Variants in GALNT13 observed in about 807,000 individuals in gnomAD.
GALNT13 encodes UDP-GalNAc:polypeptide N-acetylgalactosaminyltransferase 13.
Under a neutral mutation model 64.2 loss-of-function variants are expected in GALNT13, and 28 were observed. That is an observed-to-expected ratio of 0.44 (90% CI 0.32 to 0.60). GALNT13 has a LOEUF of 0.60. Among genes scored for constraint, GALNT13 ranks in the 20% least tolerant of loss-of-function variants. The pLI is 0.05. For synonymous variants in GALNT13, 214 were observed against 224.6 expected, an observed-to-expected ratio of 0.95 and a Z score of 0.42; for missense variants, 577 against 669.8, an observed-to-expected ratio of 0.86 and a Z score of 1.53.
the GALNT13 span, among the ~76,000 whole-genome samples, chr2:153,249,028 A>C: frequency 6.6e-6 from 1 of 152,156 alleles, no homozygotes; most frequent in South Asian, 2.1e-4. Context: ...AGTTCTAGCC[A>C]GGGCAATCAG....
intron 3 of GALNT13, among the ~76,000 whole-genome samples, chr2:154,043,149 T>C (rs905972472): frequency 6.6e-6 from 1 of 151,908 alleles, no homozygotes; most frequent in Non-Finnish European, 1.5e-5. Flanking sequence ...AAAACCAGTA[T>C]GGATTAACTG....
chr2:153,838,422 G>A, the GALNT13 span, among the ~76,000 whole-genome samples: 3 of 151,816 alleles, frequency 2.0e-5, no homozygotes, highest in South Asian at 2.1e-4. Context: ...AGTAGTTTTT[G>A]TATGTGGTGT....
intron 4 of GALNT13, among the ~76,000 whole-genome samples, chr2:154,201,583 T>C (rs538980617): frequency 1.1e-3 from 170 of 152,288 alleles, no homozygotes; most frequent in African/African-American, 4.0e-3. Context: ...TTTTGCAGTT[T>C]AAACATACAG....
the GALNT13 span, among the ~76,000 whole-genome samples, chr2:153,564,559 G>A: frequency 2.0e-5 from 3 of 150,834 alleles, no homozygotes; most frequent in Non-Finnish European, 4.4e-5. Context: ...ACCCTGTGGA[G>A]ATAAAATTCA....
the GALNT13 span, among the ~76,000 whole-genome samples, chr2:153,259,876 C>T: frequency 6.6e-6 from 1 of 151,928 alleles, no homozygotes; most frequent in Non-Finnish European, 1.5e-5. Flanking sequence ...TGGTCTTCTC[C>T]TTCTTCTTTC....
the GALNT13 span, among the ~76,000 whole-genome samples, chr2:153,476,193 G>T: frequency 1.2e-4 from 18 of 152,184 alleles, 1 homozygote; most frequent in Non-Finnish European, 8.8e-5. Flanking sequence ...GTTTACTTGA[G>T]AGCGAAATGG....
At chr2:153,109,523 G>A in the GALNT13 span, among the ~76,000 whole-genome samples, 1 of 152,156 alleles carries the variant, frequency 6.6e-6, no homozygotes, top group Non-Finnish European at 1.5e-5. Flanking sequence ...GTCTTCTGAA[G>A]TTCTACTAGT....
chr2:153,643,417 A>G, the GALNT13 span, among the ~76,000 whole-genome samples: 1 of 151,552 alleles, frequency 6.6e-6, no homozygotes, highest in Non-Finnish European at 1.5e-5. Context: ...TTTCTGAAAA[A>G]TATAATTTAA....
chr2:154,436,405 G>A (rs1341173042), intron 11 of GALNT13: 1 of 152,126 alleles, frequency 6.6e-6, no homozygotes, highest in Non-Finnish European at 1.5e-5. Context: ...AGACACTGGA[G>A]AAGAATACAC....
the GALNT13 span, among the ~76,000 whole-genome samples, chr2:153,220,838 A>G: frequency 6.6e-6 from 1 of 152,270 alleles, no homozygotes; most frequent in African/African-American, 2.4e-5. Flanking sequence ...CATAGTAGAT[A>G]TTAATCCAGC....
the GALNT13 span, among the ~76,000 whole-genome samples, chr2:153,857,851 G>C: frequency 6.6e-6 from 1 of 151,976 alleles, no homozygotes; most frequent in Non-Finnish European, 1.5e-5. Context: ...AGCCAAATGG[G>C]GAAAATAATC....
the GALNT13 span, among the ~76,000 whole-genome samples, chr2:153,631,497 G>A: frequency 2.6e-5 from 4 of 152,194 alleles, no homozygotes; most frequent in South Asian, 2.1e-4. Flanking sequence ...TTTAATGATC[G>A]CCGTTCTAAC....
the GALNT13 span, among the ~76,000 whole-genome samples, chr2:153,502,457 T>C: frequency 6.6e-6 from 1 of 152,242 alleles, no homozygotes; most frequent in Non-Finnish European, 1.5e-5. Flanking sequence ...TTCCATGATA[T>C]ATATACCACA....
chr2:154,183,463 G>C (rs538501755), intron 4 of GALNT13, among the ~76,000 whole-genome samples: 2 of 152,264 alleles, frequency 1.3e-5, no homozygotes, highest in Non-Finnish European at 2.9e-5. Context: ...TGTAATCCCA[G>C]CACTTTGGGA....
At chr2:153,772,264 G>A in the GALNT13 span, among the ~76,000 whole-genome samples, 1 of 152,198 alleles carries the variant, frequency 6.6e-6, no homozygotes, top group South Asian at 2.1e-4. Flanking sequence ...AATTGAAAAT[G>A]ATTTCCTCCT....
chr2:153,912,913 G>T (rs910635502), intron 2 of GALNT13, among the ~76,000 whole-genome samples: 2 of 152,220 alleles, frequency 1.3e-5, no homozygotes, highest in Admixed American at 1.3e-4. Context: ...GGCAGCAGCA[G>T]CATGGCCAAG....
the GALNT13 span, among the ~76,000 whole-genome samples, chr2:153,527,649 G>A: frequency 1.3e-5 from 2 of 152,100 alleles, no homozygotes; most frequent in Non-Finnish European, 2.9e-5. Context: ...TGTAACTGTG[G>A]TGTGTAAACT....
intron 4 of GALNT13, among the ~76,000 whole-genome samples, chr2:154,172,402 T>A (rs949982826): frequency 6.6e-6 from 1 of 151,996 alleles, no homozygotes; most frequent in Non-Finnish European, 1.5e-5. Context: ...CCTTCTATCA[T>A]ACTGCTTTTT....
chr2:153,650,187 C>T, the GALNT13 span, among the ~76,000 whole-genome samples: 1 of 152,108 alleles, frequency 6.6e-6, no homozygotes, highest in South Asian at 2.1e-4. Context: ...GTTAGCTCTT[C>T]TTGTTGAATT....
Sources: gnomAD v4.1 joint callset for allele counts (sites outside exome capture counted in the v4.1 genomes callset) on GRCh38, gnomAD v4.1.1 for gene constraint, MANE v1.5 for transcripts, NCBI Gene and HGNC (gene_info 2026-07-23, HGNC 2026-07-21) for gene names.